UNK: variants seen among roughly 807,000 people sequenced by gnomAD.
The protein encoded by UNK is RING finger protein unkempt homolog.
In UNK, 32 loss-of-function variants were observed where a neutral mutation model predicts 97.6. The ratio of observed to expected loss-of-function variants is 0.33; its 90% CI spans 0.25 to 0.44. The LOEUF is 0.44. Ranked by LOEUF, UNK falls within the 20% of genes least tolerant of loss-of-function variation. The pLI is 1.00. For synonymous variants in UNK, 441 were observed against 461.2 expected, an observed-to-expected ratio of 0.96 and a Z score of 0.56; for missense variants, 771 against 1,098.4, an observed-to-expected ratio of 0.70 and a Z score of 4.21.
intron 1 of UNK, among the ~76,000 whole-genome samples, chr17:75,798,580 A>T (rs1264153698): frequency 6.6e-6 from 1 of 152,084 alleles, no homozygotes; most frequent in Non-Finnish European, 1.5e-5. Flanking sequence ...TCCTGGCCTC[A>T]GGTGATCCAC....
chr17:75,821,040 C>T (rs915660380), intron 13 of UNK, among the ~76,000 whole-genome samples: 1 of 136,470 alleles, frequency 7.3e-6, no homozygotes, highest in African/African-American at 2.6e-5. Context: ...GCCCCATATT[C>T]GGATAGGATC....
At chr17:75,786,730 G>A (rs2061715184) in intron 1 of UNK, among the ~76,000 whole-genome samples, 1 of 152,268 alleles carries the variant, frequency 6.6e-6, no homozygotes, top group African/African-American at 2.4e-5. Context: ...GCTGGCGGGC[G>A]CCTGTAATCC....
At chr17:75,795,023 T>C (rs887453112) in intron 1 of UNK, among the ~76,000 whole-genome samples, 1 of 152,086 alleles carries the variant, frequency 6.6e-6, no homozygotes, top group African/African-American at 2.4e-5. Flanking sequence ...ATCCTTCAGT[T>C]CCTAGGGCAC....
chr17:75,801,530 G>T (rs1018311127), intron 1 of UNK, among the ~76,000 whole-genome samples: 4 of 151,950 alleles, frequency 2.6e-5, no homozygotes, highest in African/African-American at 9.7e-5. Flanking sequence ...TTTAAATAAA[G>T]AAGGAAATAT....
rs1346596482 is a variant in UNK at position 75,784,812 on chromosome 17, G to C, written c.-69G>C. On this transcript the variant is annotated 5_prime_UTR_variant, in exon 1 of 16. Transcript: ENST00000589666. ...CTCGTGGCGCGGCGCAGGCGCACTG[G>C]GTCCTCGGCGCGGACCGCGCAGACT... 1 of 1,495,276 alleles carries C rather than the reference G, an allele frequency of 6.7e-7. No individual in the cohort carries two copies. Among genetic ancestry groups the C allele is most frequent in the South Asian group, 1.1e-5 (1 of 88,562 alleles). 92.6% of individuals were successfully genotyped at this position (1,495,276 alleles called of 1,614,324 possible). A position where few individuals can be genotyped will look rare whatever the true frequency, so the allele number is the denominator to read the frequency against.
At chr17:75,805,865 T>G (rs530513501) in intron 1 of UNK, among the ~76,000 whole-genome samples, 16 of 148,662 alleles carry the variant, frequency 1.1e-4, no homozygotes, top group African/African-American at 3.8e-4. Flanking sequence ...ATGTATGTAT[T>G]ATAGAATCAG....
intron 1 of UNK, among the ~76,000 whole-genome samples, chr17:75,803,071 G>A (rs2061876761): frequency 3.5e-5 from 2 of 56,708 alleles, no homozygotes; most frequent in African/African-American, 4.3e-4. Context: ...GACCACCCTG[G>A]CCAACATGGT....
At chr17:75,811,551 T>C (rs2061969159) in intron 2 of UNK, among the ~76,000 whole-genome samples, 1 of 152,236 alleles carries the variant, frequency 6.6e-6, no homozygotes, top group South Asian at 2.1e-4. Context: ...TGTTCTCCGA[T>C]GTCTGTCCTG....
At position 75,819,478 on chromosome 17, in the gene UNK, C is replaced by T; in HGVS notation, c.1547-206C>T. ...TCAAAGAAGATTCAGAAAGGAGAGG[C>T]ATTTGGGTTGGACATGACTGGCAGA... is the stretch of plus-strand genomic sequence containing the variant. On this transcript the variant is annotated intron_variant, in intron 11 of 15. Transcript: ENST00000589666. This position sits in a 1 kb window ranked among gnomAD's most constrained non-coding sequence, Gnocchi z 5.4. The T allele has an allele frequency of 1.7e-6, 1 of 590,104 alleles. No individual in the cohort carries two copies. Among genetic ancestry groups the T allele is most frequent in the South Asian group, 2.0e-5 (1 of 49,714 alleles). 36.6% of individuals were successfully genotyped at this position (590,104 alleles called of 1,614,324 possible).
At chr17:75,821,921 A>G in intron 13 of UNK, 1 of 341,808 alleles carries the variant, frequency 2.9e-6, no homozygotes, top group South Asian at 2.2e-5. Flanking sequence ...CCTACCACTT[A>G]CAATTTGTGT....
At chr17:75,793,892 C>T (rs1365252675) in intron 1 of UNK, 1 of 985,346 alleles carries the variant, frequency 1.0e-6, no homozygotes, top group Non-Finnish European at 1.2e-6. Flanking sequence ...AAACCTTTAG[C>T]ATGGTGTTTT....
At chr17:75,812,061 A>G (rs2061974258) in intron 2 of UNK, 51 bp from the exon 3 acceptor site, 2 of 1,527,898 alleles carry the variant, frequency 1.3e-6, no homozygotes, top group Non-Finnish European at 1.8e-6. Flanking sequence ...TAGGCAGGGA[A>G]GCCTAGGCTG....
At chr17:75,796,972 G>T (rs1006660937) in intron 1 of UNK, among the ~76,000 whole-genome samples, 2 of 152,146 alleles carry the variant, frequency 1.3e-5, no homozygotes, top group African/African-American at 2.4e-5. Flanking sequence ...AGTTATATGT[G>T]GGGGAAGGAA....
intron 5 of UNK, 28 bp downstream of exon 5, chr17:75,813,241 G>A (rs746524996): frequency 2.2e-5 from 35 of 1,556,414 alleles, no homozygotes; most frequent in South Asian, 2.1e-4. Flanking sequence ...GGCCAGCCAC[G>A]GGAGGGAGGA....
In UNK at chr17:75,824,339, T is replaced by C. The variant is rs2062098445; in HGVS notation, c.2355T>C (p.Ala785=). Residue 785 remains alanine (A), a synonymous_variant, in exon 16 of 16, where the codon GCT becomes GCC. Coordinates refer to ENST00000589666, the MANE Select transcript of UNK (RefSeq NM_001080419.3). This position sits in a 1 kb window ranked among gnomAD's most constrained non-coding sequence, Gnocchi z 4.9. ...GGGCAGTGCTGCCGTGCCAACACGCTGCGCTGTGTGAGCTCTGCGCTGAGG... is the reference window on the plus strand; with the variant it reads ...GGGCAGTGCTGCCGTGCCAACACGCCGCGCTGTGTGAGCTCTGCGCTGAGG... ...QKRAVLPCQH[A]ALCELCAEGS... 6.2e-7 allele frequency: 1 copy of C among 1,602,852 alleles called. No individual in the cohort carries two copies. Among genetic ancestry groups the C allele is most frequent in the Non-Finnish European group, 8.5e-7 (1 of 1,176,410 alleles).
rs561269176 is a variant in UNK, at chr17:75,816,581, T to C, written c.962-189T>C. On this transcript the variant is annotated intron_variant, in intron 7 of 15. Coordinates refer to ENST00000589666, the MANE Select transcript of UNK (RefSeq NM_001080419.3). This position sits in a 1 kb window ranked among gnomAD's most constrained non-coding sequence, Gnocchi z 4.0. ...TTCTGGTCACCATGAAGATTCACAA[T>C]TACTGCAAAGTGCTGGCACAGTGCC... Among the ~76,000 whole-genome samples the C allele has an allele frequency of 1.3e-5, 2 of 152,346 alleles. No homozygotes were observed. Among genetic ancestry groups the C allele is most frequent in the East Asian group, 3.9e-4 (2 of 5,190 alleles).
rs58629675 is a variant in UNK, at chr17:75,825,515, A to G, written c.*1098A>G. 3,304 of 152,624 alleles carry G rather than the reference A, an allele frequency of 0.022. 116 individuals carry two copies. Among genetic ancestry groups the G allele is most frequent in the African/African-American group, 0.068 (2,825 of 41,538 alleles). 9.5% of individuals were successfully genotyped at this position (152,624 alleles called of 1,614,324 possible). On this transcript the variant is annotated 3_prime_UTR_variant, in exon 16 of 16. Transcript: ENST00000589666. This position sits in a 1 kb window ranked among gnomAD's most constrained non-coding sequence, Gnocchi z 4.4. ...TGTGTGCGTGTGTGTGTGCCTGTCC[A>G]GTGTATATTGTGTCTTAGCTTCCAT... is the stretch of plus-strand genomic sequence containing the variant.
In UNK at chr17:75,823,421, C is replaced by A. The variant is rs770935458; in HGVS notation, c.2176C>A (p.Pro726Thr). Residue 726 changes from proline (P) to threonine (T), a missense_variant, in exon 15 of 16, where the codon CCC becomes ACC. Coordinates refer to ENST00000589666, the MANE Select transcript of UNK (RefSeq NM_001080419.3). ...GGAGCGGCTACACGCGGGGCCTGAG[C>A]CCCAGGCCCTGCCCGCCTTCTCCGA... ...ELERLHAGPE[P>T]QALPAFSDLE... 11 of 1,597,206 alleles carry A rather than the reference C, an allele frequency of 6.9e-6. No individual in the cohort carries two copies. Among genetic ancestry groups the A allele is most frequent in the Non-Finnish European group, 8.5e-6 (10 of 1,170,980 alleles).
intron 1 of UNK, among the ~76,000 whole-genome samples, chr17:75,795,528 C>T (rs1024474048): frequency 2.0e-5 from 3 of 151,908 alleles, no homozygotes; most frequent in Admixed American, 6.6e-5. Flanking sequence ...TTAGTAGAGA[C>T]GGGGTTTCGC....
Sources: gnomAD v4.1 joint callset for allele counts (sites outside exome capture counted in the v4.1 genomes callset) on GRCh38, gnomAD v4.1.1 for gene constraint, Gnocchi (gnomAD v3.1) non-coding constraint, MANE v1.5 for transcripts, NCBI Gene and HGNC (gene_info 2026-07-23, HGNC 2026-07-21) for gene names.